Variants in COL26A1 observed in about 807,000 individuals in gnomAD.
The protein encoded by COL26A1 is collagen alpha-1(XXVI) chain.
Under a neutral mutation model 59.3 loss-of-function variants are expected in COL26A1, and 41 were observed. That is an observed-to-expected ratio of 0.69 (90% CI 0.54 to 0.90). COL26A1 has a LOEUF of 0.90. Ranked by LOEUF, COL26A1 falls within the 40% of genes least tolerant of loss-of-function variation. COL26A1 has a pLI of 0.00. For missense variants in COL26A1, 612 were observed against 602.3 expected (o/e 1.02, Z -0.17); for synonymous variants, 266 against 256.0 (o/e 1.04, Z -0.37).
intron 1 of COL26A1, among the ~76,000 whole-genome samples, chr7:101,390,518 TG>T (rs1470288623): frequency 6.6e-6 from 1 of 152,148 alleles, no homozygotes; most frequent in Non-Finnish European, 1.5e-5. Flanking sequence ...CTCAAACTCC[TG>T]GGCTCAAGCC....
chr7:101,429,804 C>A (rs985908890), intron 2 of COL26A1, among the ~76,000 whole-genome samples: 6 of 151,748 alleles, frequency 4.0e-5, no homozygotes, highest in African/African-American at 1.5e-4. Flanking sequence ...TGCTACATTG[C>A]CCAGGTTCGT....
chr7:101,503,681 T>G (rs1794749402), intron 3 of COL26A1, among the ~76,000 whole-genome samples: 1 of 152,120 alleles, frequency 6.6e-6, no homozygotes, highest in Non-Finnish European at 1.5e-5. Flanking sequence ...TGTGCCCAGC[T>G]AAGGGTCTGC....
chr7:101,509,359 T>C (rs1391204406), intron 3 of COL26A1, among the ~76,000 whole-genome samples: 1 of 151,934 alleles, frequency 6.6e-6, no homozygotes, highest in Non-Finnish European at 1.5e-5. Flanking sequence ...GGCAGGAGAA[T>C]AGCTTGAACC....
chr7:101,489,038 C>A (rs1239664159), intron 3 of COL26A1, among the ~76,000 whole-genome samples: 1 of 152,208 alleles, frequency 6.6e-6, no homozygotes, highest in Non-Finnish European at 1.5e-5. Context: ...TGTTTGCCTG[C>A]AAGATTCCGT....
chr7:101,462,000 T>G, intron 3 of COL26A1, among the ~76,000 whole-genome samples: 1 of 147,858 alleles, frequency 6.8e-6, no homozygotes, highest in African/African-American at 2.5e-5. Flanking sequence ...GGAGCACTTT[T>G]TTTTTTTTTT....
intron 3 of COL26A1, among the ~76,000 whole-genome samples, chr7:101,467,821 C>T (rs13222791): frequency 6.6e-6 from 1 of 151,884 alleles, no homozygotes; most frequent in Non-Finnish European, 1.5e-5. Flanking sequence ...GAGCCGAGAT[C>T]GCGCCACTGC....
intron 2 of COL26A1, among the ~76,000 whole-genome samples, chr7:101,444,281 AACC>A (rs1793131978): frequency 1.3e-5 from 2 of 152,054 alleles, no homozygotes; most frequent in South Asian, 4.1e-4. Context: ...GTGTTCAATA[AACC>A]CACTTTGGGT....
chr7:101,444,209 C>T (rs1562982422), intron 2 of COL26A1, among the ~76,000 whole-genome samples: 1 of 151,740 alleles, frequency 6.6e-6, no homozygotes, highest in South Asian at 2.1e-4. Flanking sequence ...TGAAGTGTCT[C>T]GCTCTTCTCA....
intron 4 of COL26A1, among the ~76,000 whole-genome samples, chr7:101,534,390 C>T (rs757997150): frequency 1.3e-5 from 2 of 152,190 alleles, no homozygotes; most frequent in Admixed American, 6.5e-5. Context: ...CAGAAGAGCA[C>T]ACATACACAC....
chr7:101,458,614 A>ACTC, intron 3 of COL26A1, among the ~76,000 whole-genome samples: 1 of 151,790 alleles, frequency 6.6e-6, no homozygotes. Flanking sequence ...ACACCACGGC[A>ACTC]CTCCAGCCTG....
At chr7:101,543,923 C>T in intron 5 of COL26A1, 75 bp from the exon 6 acceptor site, 2 of 1,106,958 alleles carry the variant, frequency 1.8e-6, no homozygotes, top group Non-Finnish European at 2.6e-6. Flanking sequence ...GCTGACAGCC[C>T]AGGGGGCCAG....
At position 101,420,210 on chromosome 7, in the gene COL26A1, A is replaced by C; in HGVS notation, c.281+111A>C. The C allele has an allele frequency of 1.1e-5, 15 of 1,314,024 alleles. No individual in the cohort carries two copies. The South Asian group carries it at 1.9e-4, about 17-fold the overall frequency. The allele number at this position is 1,314,024 out of a possible 1,614,324, so 81.4% of individuals were successfully genotyped here. On this transcript the variant is annotated intron_variant, in intron 2 of 12. Transcript: ENST00000313669. ...GGGCTGTGCTCACAGACAAAGGCTG[A>C]GCATGCATTTATGGAGCACCTTCTG...
Position 101,545,322 on chromosome 7 carries a change from CT to C in COL26A1, c.704-12del. ...GGCTCCGGCTGCCACAGTGACTGTTCTTTTCCTCATTGCAGGGCTCCTGGGG... is the reference window on the plus strand; with the variant it reads ...GGCTCCGGCTGCCACAGTGACTGTTCTTTCCTCATTGCAGGGCTCCTGGGG... On this transcript the variant is annotated splice_polypyrimidine_tract_variant and intron_variant, in intron 6 of 12. Coordinates refer to ENST00000313669, the MANE Select transcript of COL26A1 (RefSeq NM_001278563.3). 1 of 1,554,346 alleles carries C rather than the reference CT, an allele frequency of 6.4e-7. No homozygotes were observed. The highest frequency in any genetic ancestry group is 8.6e-7 in the Non-Finnish European group (1 of 1,158,454).
At chr7:101,450,400 G>A (rs1793302028) in intron 3 of COL26A1, among the ~76,000 whole-genome samples, 1 of 152,146 alleles carries the variant, frequency 6.6e-6, no homozygotes, top group African/African-American at 2.4e-5. Flanking sequence ...TGGAAGATGA[G>A]CTGGTACCAG....
At chr7:101,474,448 C>T (rs1182525257) in intron 3 of COL26A1, among the ~76,000 whole-genome samples, 1 of 151,464 alleles carries the variant, frequency 6.6e-6, no homozygotes, top group Admixed American at 6.6e-5. Flanking sequence ...AAAAATTAGC[C>T]AGGTATGGTG....
intron 8 of COL26A1, among the ~76,000 whole-genome samples, chr7:101,547,702 GTCATTCAT>G (rs546965455): frequency 6.6e-6 from 1 of 152,126 alleles, no homozygotes; most frequent in Non-Finnish European, 1.5e-5. Context: ...CGGGAAGGGA[GTCATTCAT>G]TCATTCATTC....
Position 101,533,150 on chromosome 7 carries a change from C to T in COL26A1, c.447+7C>T, listed in dbSNP as rs753180223. ...GACCACACTGGAGGCCAAGGTCAGT[C>T]GGGCTGGGGAGTCTGGGCCTGGGGA... is the stretch of plus-strand genomic sequence containing the variant. On this transcript the variant is annotated splice_region_variant and intron_variant, in intron 4 of 12. Coordinates refer to ENST00000313669, the MANE Select transcript of COL26A1 (RefSeq NM_001278563.3). The T allele has an allele frequency of 1.4e-5, 23 of 1,596,284 alleles. No homozygotes were observed. In the Admixed American group the frequency reaches 1.6e-4, roughly 11 times the overall value.
chr7:101,479,193 G>A, intron 3 of COL26A1, among the ~76,000 whole-genome samples: 1 of 152,170 alleles, frequency 6.6e-6, no homozygotes, highest in East Asian at 1.9e-4. Context: ...CACCAGCAGT[G>A]TATAAAAGTT....
chr7:101,363,833 C>T (rs1366877323), intron 1 of COL26A1, among the ~76,000 whole-genome samples: 4 of 152,166 alleles, frequency 2.6e-5, no homozygotes, highest in Non-Finnish European at 4.4e-5. Context: ...CTCACCTGCG[C>T]GGCTGCGGCT....
Sources: gnomAD v4.1 joint callset for allele counts (sites outside exome capture counted in the v4.1 genomes callset) on GRCh38, gnomAD v4.1.1 for gene constraint, MANE v1.5 for transcripts, NCBI Gene and HGNC (gene_info 2026-07-23, HGNC 2026-07-21) for gene names.